Variants in MS4A2 observed in about 807,000 individuals in gnomAD.
The protein encoded by MS4A2 is membrane spanning 4-domains A2.
MS4A2 carries 26 observed loss-of-function variants against 27.9 expected under a neutral mutation model. That is an observed-to-expected ratio of 0.93 (90% CI 0.68 to 1.29). MS4A2 has a LOEUF of 1.29. MS4A2 is among the 50% of genes most tolerant of loss of function. MS4A2 has a pLI of 0.00. For missense variants in MS4A2, 284 were observed against 284.6 expected (o/e 1.00, Z 0.01); for synonymous variants, 110 against 98.8 (o/e 1.11, Z -0.67).
At chr11:60,093,337 A>G in intron 4 of MS4A2, 63 bp from the exon 5 acceptor site, 1 of 1,607,922 alleles carries the variant, frequency 6.2e-7, no homozygotes, top group Non-Finnish European at 8.5e-7. Context: ...TGAAATGAAG[A>G]TAGGTTTATT....
In MS4A2 at chr11:60,097,126, G is replaced by A. The variant is rs1461330219; in HGVS notation, c.*1470G>A. The A allele has an allele frequency of 6.6e-6, 1 of 152,094 alleles. No individual in the cohort carries two copies. Among genetic ancestry groups the A allele is most frequent in the African/African-American group, 2.4e-5 (1 of 41,392 alleles). 9.4% of individuals were successfully genotyped at this position (152,094 alleles called of 1,614,324 possible). A position where few individuals can be genotyped will look rare whatever the true frequency, so the allele number is the denominator to read the frequency against. On this transcript the variant is annotated 3_prime_UTR_variant, in exon 7 of 7. Coordinates refer to ENST00000278888, the MANE Select transcript of MS4A2 (RefSeq NM_000139.5). Reference sequence around the variant, plus strand: ...TAAATGAAGCAAGTTAACACTCTAAGAGAATTATTTTGAGATAGAAGTGAA... The same window carrying A: ...TAAATGAAGCAAGTTAACACTCTAAAAGAATTATTTTGAGATAGAAGTGAA...
intron 1 of MS4A2, 44 bp downstream of exon 1, chr11:60,088,865 G>T (rs1441638622): frequency 6.4e-7 from 1 of 1,571,912 alleles, no homozygotes; most frequent in Non-Finnish European, 8.7e-7. Context: ...GTCACTTAGT[G>T]GCAGGGGAAG....
At chr11:60,094,111 G>A (rs1316680318) in intron 6 of MS4A2, 49 bp downstream of exon 6, 2 of 1,265,112 alleles carry the variant, frequency 1.6e-6, no homozygotes, top group Non-Finnish European at 2.3e-6. Context: ...TAACGAATTG[G>A]AGCTTTATTC....
At chr11:60,092,127 C>T (rs538079973) in intron 3 of MS4A2, among the ~76,000 whole-genome samples, 14 of 152,124 alleles carry the variant, frequency 9.2e-5, no homozygotes, top group African/African-American at 3.4e-4. Context: ...GTGGTCTAAT[C>T]GATTCATGCC....
Position 60,097,536 on chromosome 11 carries a change from T to G in MS4A2, c.*1880T>G, listed in dbSNP as rs537955657. On this transcript the variant is annotated 3_prime_UTR_variant, in exon 7 of 7. Coordinates refer to ENST00000278888, the MANE Select transcript of MS4A2 (RefSeq NM_000139.5). ...ATGTGAGAAATAAGATAGTTGATTATGAATAGAAGGTAGTGAAGAAAAGCA... is the reference window on the plus strand; with the variant it reads ...ATGTGAGAAATAAGATAGTTGATTAGGAATAGAAGGTAGTGAAGAAAAGCA... The G allele has an allele frequency of 5.0e-4, 76 of 152,298 alleles. No individual in the cohort carries two copies. The highest frequency in any genetic ancestry group is 1.7e-3 in the African/African-American group (71 of 41,560). 9.4% of individuals were successfully genotyped at this position (152,298 alleles called of 1,614,324 possible).
intron 6 of MS4A2, 23 bp from the exon 7 acceptor site, chr11:60,095,535 T>G: frequency 1.4e-6 from 2 of 1,460,614 alleles, no homozygotes; most frequent in Non-Finnish European, 1.9e-6. Flanking sequence ...GTGATTGATA[T>G]GAAATGATTT....
intron 2 of MS4A2, 44 bp downstream of exon 2, chr11:60,089,865 C>A: frequency 6.2e-7 from 1 of 1,610,828 alleles, no homozygotes; most frequent in South Asian, 1.1e-5. Flanking sequence ...AGGGTTGGGT[C>A]TAGAAAAGAA....
intron 5 of MS4A2, 64 bp downstream of exon 5, chr11:60,093,622 C>T (rs760513537): frequency 3.0e-5 from 47 of 1,584,676 alleles, no homozygotes; most frequent in Non-Finnish European, 4.1e-5. Flanking sequence ...AAGAAGCCCT[C>T]TTCTCCTGTT....
chr11:60,093,802 T>TTGTGTGTGTGTGTGTG (rs60162275), intron 5 of MS4A2, 162 bp from the exon 6 acceptor site: 174 of 640,416 alleles, frequency 2.7e-4, no homozygotes, highest in East Asian at 1.6e-3. Context: ...GTGCCTGTGT[T>TTGTGTGTGTGTGTGTG]TGTGTGTGTG....
Position 60,094,015 on chromosome 11 carries a change from G to A in MS4A2, c.589G>A (p.Val197Met), listed in dbSNP as rs372059712. The change falls in exon 6 of 7, where the codon GTG (valine) becomes ATG (methionine). Residue 197 changes from valine (V) to methionine (M), a missense_variant. Coordinates refer to ENST00000278888, the MANE Select transcript of MS4A2 (RefSeq NM_000139.5). ...CACCATTCTGGGACTTGGTAGTGCT[G>A]TGTCACTCACAATCTGTGGAGCTGG... ...FLTILGLGSA[V>M]SLTICGAGEE... is the part of the protein sequence containing the mutation. 88 of 1,614,112 alleles carry A rather than the reference G, an allele frequency of 5.5e-5. 1 individual carries two copies. Among genetic ancestry groups the A allele is most frequent in the Middle Eastern group, 4.9e-4 (3 of 6,062 alleles).
At position 60,095,693 on chromosome 11, in the gene MS4A2, G is replaced by C. The variant is rs572829330; in HGVS notation, c.*37G>C. 34 of 1,411,710 alleles carry C rather than the reference G, an allele frequency of 2.4e-5. No individual in the cohort carries two copies. The East Asian group carries it at 7.5e-4, about 31-fold the overall frequency. 87.4% of individuals were successfully genotyped at this position (1,411,710 alleles called of 1,614,324 possible). A position where few individuals can be genotyped will look rare whatever the true frequency, so the allele number is the denominator to read the frequency against. ...CCAGAACACTCTGATTCACAGCCAA[G>C]GATCCAGAAGGCCAAGGTCTTGTTA... On this transcript the variant is annotated 3_prime_UTR_variant, in exon 7 of 7. Transcript: ENST00000278888.
rs112687661 is a variant in MS4A2 at position 60,092,697 on chromosome 11, C to A, written c.322-95C>A. On this transcript the variant is annotated intron_variant, in intron 3 of 6. Transcript: ENST00000278888. ...CATTAATAAGTAACTTTATCGAGTA[C>A]CCCAAATGTTACCTATGTTTGGAAG... is the stretch of plus-strand genomic sequence containing the variant. The A allele has an allele frequency of 6.5e-4, 696 of 1,075,994 alleles. 3 individuals carry two copies. In the African/African-American group the frequency reaches 9.8e-3, roughly 15 times the overall value. 66.7% of individuals were successfully genotyped at this position (1,075,994 alleles called of 1,614,324 possible).
chr11:60,088,724 T>C lies in MS4A2; in HGVS notation c.-42T>C, dbSNP rs762491387. The C allele has an allele frequency of 3.5e-4, 561 of 1,593,154 alleles. 1 individual carries two copies. The highest frequency in any genetic ancestry group is 4.3e-4 in the Non-Finnish European group (504 of 1,167,288). On this transcript the variant is annotated 5_prime_UTR_variant, in exon 1 of 7. Transcript: ENST00000278888. Reference sequence around the variant, plus strand: ...AGAGGAAATCCACCAAGTCTCAATATAATAATATTCTTTATTCCTGGACAG... The same window carrying C: ...AGAGGAAATCCACCAAGTCTCAATACAATAATATTCTTTATTCCTGGACAG...
In MS4A2 at chr11:60,097,182, G is replaced by A. The variant is rs1460298905; in HGVS notation, c.*1526G>A. The A allele has an allele frequency of 1.3e-5, 2 of 152,186 alleles. No individual in the cohort carries two copies. Among genetic ancestry groups the A allele is most frequent in the East Asian group, 1.9e-4 (1 of 5,202 alleles). The allele number at this position is 152,186 out of a possible 1,614,324, so 9.4% of individuals were successfully genotyped here. Reference sequence around the variant, plus strand: ...GCTAAACTTCACATGCCTATAATTGGAGGGAAAAACTAAGGATAAAATCTA... The same window carrying A: ...GCTAAACTTCACATGCCTATAATTGAAGGGAAAAACTAAGGATAAAATCTA... On this transcript the variant is annotated 3_prime_UTR_variant, in exon 7 of 7. Coordinates refer to ENST00000278888, the MANE Select transcript of MS4A2 (RefSeq NM_000139.5).
At position 60,095,746 on chromosome 11, in the gene MS4A2, C is replaced by A; in HGVS notation, c.*90C>A. On this transcript the variant is annotated 3_prime_UTR_variant, in exon 7 of 7. Transcript: ENST00000278888. ...GGGCTACTGGAAAAATTTCTATTCT[C>A]TCCACAGCCTGCTGGTTTTACATTA... 1.2e-6 allele frequency: 1 copy of A among 800,402 alleles called. No individual in the cohort carries two copies. Among genetic ancestry groups the A allele is most frequent in the Non-Finnish European group, 2.2e-6 (1 of 450,200 alleles). 49.6% of individuals were successfully genotyped at this position (800,402 alleles called of 1,614,324 possible).
In MS4A2 at chr11:60,090,414, G is replaced by A; in HGVS notation, c.265G>A (p.Glu89Lys). ...CTCTGTACTTGATATTTCACACATT[G>A]AGGGAGACATTTTTTCATCATTTAA... ...VCSVLDISHI[E>K]GDIFSSFKAG... Residue 89 changes from glutamate (E) to lysine (K), a missense_variant, in exon 3 of 7, where the codon GAG (glutamate) becomes AAG (lysine). Coordinates refer to ENST00000278888, the MANE Select transcript of MS4A2 (RefSeq NM_000139.5). The A allele has an allele frequency of 6.2e-7, 1 of 1,613,408 alleles. No homozygotes were observed. Among genetic ancestry groups the A allele is most frequent in the African/African-American group, 1.3e-5 (1 of 75,012 alleles).
Position 60,089,715 on chromosome 11 carries a change from A to G in MS4A2, c.80A>G (p.Glu27Gly). Residue 27 changes from glutamate (E) to glycine (G), a missense_variant, in exon 2 of 7, where the codon GAA becomes GGA. Coordinates refer to ENST00000278888, the MANE Select transcript of MS4A2 (RefSeq NM_000139.5). ...AGTGTGCCTGCATTTGAAGTCTTGG[A>G]AATATCTCCCCAGGAAGTATCTTCA... ...PSSVPAFEVL[E>G]ISPQEVSSGR... The G allele has an allele frequency of 1.9e-6, 3 of 1,614,166 alleles. No homozygotes were observed. Among genetic ancestry groups the G allele is most frequent in the Non-Finnish European group, 2.5e-6 (3 of 1,180,006 alleles).
chr11:60,089,448 G>T (rs1855715898), intron 1 of MS4A2, among the ~76,000 whole-genome samples: 1 of 152,196 alleles, frequency 6.6e-6, no homozygotes, highest in Admixed American at 6.5e-5. Context: ...ACTGGATTAA[G>T]AATAGGAAAA....
intron 3 of MS4A2, among the ~76,000 whole-genome samples, chr11:60,091,640 T>G (rs1192518951): frequency 6.6e-6 from 1 of 152,230 alleles, no homozygotes; most frequent in African/African-American, 2.4e-5. Flanking sequence ...ACTGTTTGTC[T>G]TCCTTCGCTG....
Sources: gnomAD v4.1 joint callset for allele counts (sites outside exome capture counted in the v4.1 genomes callset) on GRCh38, gnomAD v4.1.1 for gene constraint, MANE v1.5 for transcripts, NCBI Gene and HGNC (gene_info 2026-07-23, HGNC 2026-07-21) for gene names.